The following ANKRD44 variants were observed in gnomAD, a reference collection of about 807,000 sequenced individuals.
The protein encoded by ANKRD44 is serine/threonine-protein phosphatase 6 regulatory ankyrin repeat subunit B.
ANKRD44 carries 35 observed loss-of-function variants against 116.0 expected under a neutral mutation model. That is an observed-to-expected ratio of 0.30 (90% CI 0.23 to 0.40). The LOEUF (loss-of-function observed/expected upper bound fraction) is 0.40, where lower values mean the gene tolerates loss of function less well. Ranked by LOEUF, ANKRD44 falls within the 10% of genes least tolerant of loss-of-function variation. The probability of loss-of-function intolerance (pLI) is 1.00; values close to 1 mark genes in which losing one functional copy is unlikely to be tolerated. For synonymous variants in ANKRD44, 435 were observed against 461.8 expected, an observed-to-expected ratio of 0.94 and a Z score of 0.74; for missense variants, 1,014 against 1,242.6, an observed-to-expected ratio of 0.82 and a Z score of 2.77.
intron 16 of ANKRD44, among the ~76,000 whole-genome samples, chr2:197,051,974 G>T (rs1396538091): frequency 6.6e-6 from 1 of 152,162 alleles, no homozygotes; most frequent in Non-Finnish European, 1.5e-5. Flanking sequence ...AAAGTAGATT[G>T]AAAAATTATT....
chr2:197,126,050 C>A lies in ANKRD44; in HGVS notation c.262-13G>T. ...CCTGTACTGCTTCCTACAACAAAAGCAGAGTTTGCAGAGGTCACTGACAGA... is the reference window on the plus strand; with the variant it reads ...CCTGTACTGCTTCCTACAACAAAAGAAGAGTTTGCAGAGGTCACTGACAGA... On this transcript the variant is annotated splice_polypyrimidine_tract_variant and intron_variant, in intron 4 of 27. Coordinates refer to ENST00000282272, the MANE Select transcript of ANKRD44 (RefSeq NM_001195144.2). 1 of 1,613,924 alleles carries A rather than the reference C, an allele frequency of 6.2e-7. No homozygotes were observed. Among genetic ancestry groups the A allele is most frequent in the South Asian group, 1.1e-5 (1 of 91,062 alleles).
At chr2:197,221,512 T>C (rs2081586676) in intron 1 of ANKRD44, among the ~76,000 whole-genome samples, 1 of 152,168 alleles carries the variant, frequency 6.6e-6, no homozygotes, top group Non-Finnish European at 1.5e-5. Context: ...TTTAATGTAA[T>C]ATTTTAGTTA....
At position 196,993,623 on chromosome 2, in the gene ANKRD44, C is replaced by T; in HGVS notation, c.2883G>A (p.Leu961=). ...CAAGTACACAGGCCCCTTTGGCCAG[C>T]AACTCCTCAACTACCACCTTTAAGC... ...RNGLKVVVEE[L]LAKGACVLAV... is the part of the protein sequence containing the mutation. Residue 961 remains leucine (L), a synonymous_variant, in exon 27 of 28, where the codon TTG becomes TTA. Coordinates refer to ENST00000282272, the MANE Select transcript of ANKRD44 (RefSeq NM_001195144.2). 11 of 1,551,112 alleles carry T rather than the reference C, an allele frequency of 7.1e-6. No individual in the cohort carries two copies. The highest frequency in any genetic ancestry group is 9.6e-6 in the Non-Finnish European group (11 of 1,147,088).
In ANKRD44 at chr2:197,117,482, C is replaced by T. The variant is rs186459073; in HGVS notation, c.906+3850G>A. 2.0e-5 allele frequency among the ~76,000 whole-genome samples: 3 copies of T among 152,306 alleles called. No individual in the cohort carries two copies. The South Asian group carries it at 6.2e-4, about 32-fold the overall frequency. On this transcript the variant is annotated intron_variant, in intron 8 of 27. Transcript: ENST00000282272. ...CTCGAATTCCTCACCTCGTGATCTG[C>T]CTGCCTTGGCCTCCCAAAGTGCTCG...
chr2:197,304,254 C>CA (rs2084001853), intron 1 of ANKRD44, among the ~76,000 whole-genome samples: 1 of 152,090 alleles, frequency 6.6e-6, no homozygotes, highest in Admixed American at 6.6e-5. Context: ...GCGGGGGTTG[C>CA]AATGAGCCAA....
chr2:196,975,143 C>G (rs982873043), intron 21 of ANKRD44, among the ~76,000 whole-genome samples: 2 of 152,020 alleles, frequency 1.3e-5, no homozygotes, highest in African/African-American at 4.8e-5. Context: ...TACTACTAAC[C>G]TTACAGCAAC....
At chr2:196,994,918 A>G (rs1355750472) in intron 26 of ANKRD44, 1 of 152,800 alleles carries the variant, frequency 6.5e-6, no homozygotes, top group Admixed American at 6.5e-5. Context: ...GATCTTTCAC[A>G]CCAAGGGTTA....
At chr2:197,232,616 G>A (rs1389441531) in intron 1 of ANKRD44, among the ~76,000 whole-genome samples, 1 of 152,184 alleles carries the variant, frequency 6.6e-6, no homozygotes, top group African/African-American at 2.4e-5. Context: ...ACTTGTGCAA[G>A]TGCTGGTTTT....
intron 16 of ANKRD44, among the ~76,000 whole-genome samples, chr2:197,055,560 C>T (rs2077187867): frequency 6.6e-6 from 1 of 152,168 alleles, no homozygotes; most frequent in Non-Finnish European, 1.5e-5. Context: ...CTTCTAAAAA[C>T]ATTATTGTTG....
chr2:197,039,241 T>C (rs1283054743), intron 16 of ANKRD44, among the ~76,000 whole-genome samples: 1 of 152,126 alleles, frequency 6.6e-6, no homozygotes, highest in Non-Finnish European at 1.5e-5. Flanking sequence ...AGAAGAGAGA[T>C]AGCTGGAAAA....
chr2:197,118,771 T>G (rs1405500258), intron 8 of ANKRD44, among the ~76,000 whole-genome samples: 3 of 152,248 alleles, frequency 2.0e-5, no homozygotes, highest in East Asian at 1.9e-4. Flanking sequence ...TTGCATCATC[T>G]ACACACATAA....
At chr2:197,141,609 A>G in intron 3 of ANKRD44, among the ~76,000 whole-genome samples, 1 of 152,178 alleles carries the variant, frequency 6.6e-6, no homozygotes, top group East Asian at 1.9e-4. Flanking sequence ...GAGTCCCTTG[A>G]GAAATTTCAA....
At chr2:197,001,681 TA>T in intron 22 of ANKRD44, 71 bp downstream of exon 22, 2 of 1,234,690 alleles carry the variant, frequency 1.6e-6, no homozygotes, top group Non-Finnish European at 2.3e-6. Context: ...CTTTTTTCCC[TA>T]CAAAGCAACT....
intron 16 of ANKRD44, among the ~76,000 whole-genome samples, chr2:197,049,962 T>C (rs1049060331): frequency 1.3e-5 from 2 of 152,186 alleles, no homozygotes; most frequent in African/African-American, 4.8e-5. Flanking sequence ...CACACTGCTA[T>C]CAAGAAATAC....
At chr2:197,282,902 T>C (rs1390064276) in intron 1 of ANKRD44, among the ~76,000 whole-genome samples, 1 of 152,144 alleles carries the variant, frequency 6.6e-6, no homozygotes, top group Non-Finnish European at 1.5e-5. Context: ...CCTCTCTACC[T>C]TAGTAGGCAC....
At chr2:197,121,175 C>A (rs1432602644) in intron 8 of ANKRD44, among the ~76,000 whole-genome samples, 157 bp downstream of exon 8, 1 of 152,120 alleles carries the variant, frequency 6.6e-6, no homozygotes, top group Non-Finnish European at 1.5e-5. Context: ...GATCTACCTG[C>A]CTCAGCCTCC....
At chr2:197,177,684 A>C (rs2080400357) in intron 2 of ANKRD44, among the ~76,000 whole-genome samples, 1 of 152,136 alleles carries the variant, frequency 6.6e-6, no homozygotes. Flanking sequence ...ATAATACATA[A>C]AGAAATAAAG....
chr2:197,183,377 C>G (rs1236919362), intron 2 of ANKRD44, among the ~76,000 whole-genome samples: 1 of 152,130 alleles, frequency 6.6e-6, no homozygotes, highest in Non-Finnish European at 1.5e-5. Flanking sequence ...TGAGTAGTGG[C>G]TCCTGCACTA....
chr2:197,152,730 G>C (rs2079686107), intron 2 of ANKRD44, among the ~76,000 whole-genome samples: 1 of 152,186 alleles, frequency 6.6e-6, no homozygotes, highest in African/African-American at 2.4e-5. Context: ...AGACTGAGGG[G>C]CACCCTACGC....
Sources: gnomAD v4.1 joint callset for allele counts (sites outside exome capture counted in the v4.1 genomes callset) on GRCh38, gnomAD v4.1.1 for gene constraint, MANE v1.5 for transcripts, NCBI Gene and HGNC (gene_info 2026-07-23, HGNC 2026-07-21) for gene names.